Variants in ARSK observed in about 807,000 individuals in gnomAD.
ARSK encodes the protein arylsulfatase K.
ARSK carries 37 observed loss-of-function variants against 53.2 expected under a neutral mutation model. That is an observed-to-expected ratio of 0.70 (90% CI 0.54 to 0.92). The LOEUF (loss-of-function observed/expected upper bound fraction) is 0.92. ARSK is among the 40% of genes least tolerant of loss of function. The pLI, the probability that ARSK is intolerant of heterozygous loss-of-function variation, is 0.00. For missense variants in ARSK, 613 were observed against 643.0 expected (o/e 0.95, Z 0.51); for synonymous variants, 208 against 223.2 (o/e 0.93, Z 0.61).
chr5:95,591,036 C>T (rs143636675), intron 5 of ARSK, among the ~76,000 whole-genome samples: 105 of 152,152 alleles, frequency 6.9e-4, no homozygotes, highest in African/African-American at 2.3e-3. Context: ...TTTTTATCAT[C>T]TGAGACATGT....
chr5:95,567,302 C>A (rs1024062878), intron 2 of ARSK, among the ~76,000 whole-genome samples: 6 of 152,196 alleles, frequency 3.9e-5, no homozygotes, highest in African/African-American at 1.2e-4. Context: ...GGTAATCCCC[C>A]ATCCCACCTC....
intron 1 of ARSK, among the ~76,000 whole-genome samples, chr5:95,562,692 C>T (rs1284583082): frequency 2.0e-5 from 3 of 152,096 alleles, no homozygotes; most frequent in African/African-American, 7.3e-5. Context: ...AATTAATTAA[C>T]AAGAGCAGAA....
At chr5:95,576,716 C>A (rs1020466254) in intron 3 of ARSK, among the ~76,000 whole-genome samples, 45 of 151,738 alleles carry the variant, frequency 3.0e-4, no homozygotes, top group African/African-American at 1.1e-3. Context: ...GAAACCCTGT[C>A]TCTACTAGAA....
chr5:95,585,888 T>G (rs1749103489), intron 4 of ARSK, among the ~76,000 whole-genome samples: 1 of 152,212 alleles, frequency 6.6e-6, no homozygotes, highest in African/African-American at 2.4e-5. Flanking sequence ...TGCCAGTGTT[T>G]TAGATACTTT....
intron 1 of ARSK, among the ~76,000 whole-genome samples, chr5:95,565,362 C>T (rs1748708546): frequency 1.3e-5 from 2 of 152,174 alleles, no homozygotes. Flanking sequence ...GGATTATAGG[C>T]ATGAGCCACC....
Position 95,555,183 on chromosome 5 carries a change from G to T in ARSK, c.-96G>T, listed in dbSNP as rs957104089. ...ATCAAGCAACCAAACTGCAAGCTTT[G>T]GGAGTTGTTCGCTGTCCCTGCCCTG... On this transcript the variant is annotated 5_prime_UTR_variant, in exon 1 of 8. Transcript: ENST00000380009. The surrounding 1 kb of genome is among the most constrained non-coding windows in gnomAD (Gnocchi z 4.0). The T allele has an allele frequency of 4.9e-5, 60 of 1,212,270 alleles. No individual in the cohort carries two copies. The highest frequency in any genetic ancestry group is 6.7e-5 in the Non-Finnish European group (59 of 879,468). 75.1% of individuals were successfully genotyped at this position (1,212,270 alleles called of 1,614,324 possible).
chr5:95,579,380 G>A (rs533259683), intron 3 of ARSK, among the ~76,000 whole-genome samples: 1 of 152,198 alleles, frequency 6.6e-6, no homozygotes, highest in Non-Finnish European at 1.5e-5. Flanking sequence ...GGTGGAAGGT[G>A]AAAGGCACAT....
intron 3 of ARSK, among the ~76,000 whole-genome samples, chr5:95,569,304 A>G (rs780328806): frequency 5.9e-5 from 9 of 152,236 alleles, no homozygotes; most frequent in Non-Finnish European, 1.2e-4. Context: ...AATAATAAGA[A>G]AAAATTAAGT....
intron 3 of ARSK, among the ~76,000 whole-genome samples, chr5:95,570,957 A>G (rs1023027838): frequency 2.0e-5 from 3 of 151,868 alleles, no homozygotes; most frequent in African/African-American, 7.3e-5. Context: ...AATTTTTTGT[A>G]TTTTCAGTAG....
intron 3 of ARSK, among the ~76,000 whole-genome samples, chr5:95,579,585 C>T (rs1193090622): frequency 1.3e-5 from 2 of 152,204 alleles, no homozygotes; most frequent in African/African-American, 4.8e-5. Flanking sequence ...CCAGGAGCTG[C>T]TGATGTTGCT....
intron 3 of ARSK, among the ~76,000 whole-genome samples, chr5:95,572,777 CAA>C (rs140392324): frequency 2.0e-5 from 3 of 147,734 alleles, no homozygotes; most frequent in Admixed American, 6.7e-5. Flanking sequence ...GACTCCGTCT[CAA>C]AAAAAAAAGG....
intron 3 of ARSK, among the ~76,000 whole-genome samples, chr5:95,576,157 C>T (rs1316566894): frequency 2.7e-5 from 4 of 149,648 alleles, no homozygotes; most frequent in Non-Finnish European, 4.4e-5. Context: ...ATATGGTTTT[C>T]GTCCTTCATT....
chr5:95,576,200 C>CT (rs60974669), intron 3 of ARSK, among the ~76,000 whole-genome samples: 2,910 of 130,182 alleles, frequency 0.022, 80 homozygotes, highest in East Asian at 0.095. Context: ...AAGTGTATAC[C>CT]TTTTTTTTTT....
chr5:95,605,092 A>G lies in ARSK; in HGVS notation c.*1566A>G, dbSNP rs1749485005. On this transcript the variant is annotated 3_prime_UTR_variant, in exon 8 of 8. Transcript: ENST00000380009. ...GATCTTTGCTTTTGTGGCTTTTGGG[A>G]TTTTGTATCATATTTAGAATGGCCT... is the stretch of plus-strand genomic sequence containing the variant. 6.6e-6 allele frequency: 1 copy of G among 151,926 alleles called. No individual in the cohort carries two copies. The highest frequency in any genetic ancestry group is 2.4e-5 in the African/African-American group (1 of 41,344). The allele number at this position is 151,926 out of a possible 1,614,324, so 9.4% of individuals were successfully genotyped here.
At chr5:95,579,503 A>AC (rs771440220) in intron 3 of ARSK, among the ~76,000 whole-genome samples, 15 of 152,174 alleles carry the variant, frequency 9.9e-5, no homozygotes, top group Non-Finnish European at 8.8e-5. Flanking sequence ...TATGGGGGAA[A>AC]CCATCCCCAT....
intron 4 of ARSK, among the ~76,000 whole-genome samples, chr5:95,584,111 T>C (rs554465708): frequency 6.6e-6 from 1 of 152,336 alleles, no homozygotes; most frequent in East Asian, 1.9e-4. Flanking sequence ...CTTGTCACTT[T>C]TCCTTTTTTT....
At chr5:95,593,804 C>T (rs539375598) in intron 6 of ARSK, among the ~76,000 whole-genome samples, 1 of 145,752 alleles carries the variant, frequency 6.9e-6, no homozygotes, top group East Asian at 1.9e-4. Flanking sequence ...TTCCCTGCAC[C>T]TGTAGGTTTT....
At chr5:95,561,227 C>A (rs1303215255) in intron 1 of ARSK, among the ~76,000 whole-genome samples, 3 of 152,140 alleles carry the variant, frequency 2.0e-5, no homozygotes, top group African/African-American at 7.2e-5. Context: ...AGTGAGACAC[C>A]AGTTATACCC....
intron 4 of ARSK, 24 bp downstream of exon 4, chr5:95,583,222 T>A (rs945095773): frequency 6.8e-7 from 1 of 1,477,454 alleles, no homozygotes; most frequent in Non-Finnish European, 9.0e-7. Flanking sequence ...TTGTGTGTGC[T>A]CAAAAGTAGA....
Sources: allele counts gnomAD v4.1 joint callset (sites outside exome capture counted in the v4.1 genomes callset), GRCh38; gene constraint gnomAD v4.1.1; non-coding constraint Gnocchi (gnomAD v3.1); transcripts MANE v1.5; gene names NCBI Gene and HGNC (gene_info 2026-07-23, HGNC 2026-07-21).